Variants in TTLL5 observed in about 807,000 individuals in gnomAD.
TTLL5 encodes tubulin tyrosine ligase like 5.
TTLL5 carries 132 observed loss-of-function variants against 168.4 expected under a neutral mutation model. The observed-to-expected ratio is 0.78, with a 90% CI of 0.68 to 0.91. TTLL5 has a LOEUF of 0.91. Among genes scored for constraint, TTLL5 ranks in the 40% least tolerant of loss-of-function variants. The probability of loss-of-function intolerance (pLI) is 0.00; values close to 1 mark genes in which losing one functional copy is unlikely to be tolerated. For synonymous variants in TTLL5, 546 were observed against 558.6 expected (o/e 0.98, Z 0.32); for missense variants, 1,545 against 1,581.5 (o/e 0.98, Z 0.39).
intron 29 of TTLL5, among the ~76,000 whole-genome samples, chr14:75,874,823 CGT>C (rs141459797): frequency 1.6e-3 from 244 of 148,346 alleles, no homozygotes; most frequent in Middle Eastern, 6.9e-3. Flanking sequence ...TGTATATATG[CGT>C]GTGTGTGTGT....
chr14:75,724,242 A>G (rs930589184), intron 12 of TTLL5, among the ~76,000 whole-genome samples: 2 of 152,066 alleles, frequency 1.3e-5, no homozygotes, highest in Non-Finnish European at 2.9e-5. Flanking sequence ...TTCCCATCCT[A>G]CCACCTGTAA....
rs758833385 is a variant in TTLL5 at position 75,820,132 on chromosome 14, C to T, written c.3297C>T (p.Pro1099=). The part of the protein sequence containing the change: ...TWSTQSDPQA[P]ENHSSSPGSR... The stretch of plus-strand genomic sequence containing the variant: ...CTACACAGTCAGACCCCCAAGCTCC[C>T]GAGAATCACTCCAGCTCTCCTGGAA... The change falls in exon 28 of 32, where the codon CCC becomes CCT. Residue 1099 remains proline (P), a synonymous_variant. Transcript: ENST00000298832. 8.1e-6 allele frequency: 13 copies of T among 1,599,024 alleles called. No homozygotes were observed. Among genetic ancestry groups the T allele is most frequent in the East Asian group, 2.3e-5 (1 of 43,178 alleles).
intron 27 of TTLL5, among the ~76,000 whole-genome samples, chr14:75,809,247 T>C (rs1229995055): frequency 1.3e-5 from 2 of 152,212 alleles, no homozygotes; most frequent in Non-Finnish European, 2.9e-5. Flanking sequence ...AGGCTCTGTC[T>C]TGATGCTCCA....
At position 75,857,378 on chromosome 14, in the gene TTLL5, T is replaced by TA. The variant is rs1207778547; in HGVS notation, c.3327-6289_3327-6288insA. 2.3e-5 allele frequency among the ~76,000 whole-genome samples: 3 copies of TA among 130,416 alleles called. No individual in the cohort carries two copies. The East Asian group carries it at 6.6e-4, about 29-fold the overall frequency. The allele number at this position is 130,416 out of a possible 152,430, so 85.6% of individuals were successfully genotyped here. On this transcript the variant is annotated intron_variant, in intron 28 of 31. Coordinates refer to ENST00000298832, the MANE Select transcript of TTLL5 (RefSeq NM_015072.5). ...ATCCTAGTGTATTTGATTGGTTGGT[T>TA]GATTAGATAGATAGATAGATAGATA...
intron 27 of TTLL5, among the ~76,000 whole-genome samples, chr14:75,806,084 A>C (rs1893637185): frequency 6.7e-6 from 1 of 148,208 alleles, no homozygotes; most frequent in Non-Finnish European, 1.5e-5. Context: ...ACTGGAGTGC[A>C]GTGGTGCGCG....
chr14:75,828,710 A>G (rs1234480511), intron 28 of TTLL5, among the ~76,000 whole-genome samples: 2 of 152,228 alleles, frequency 1.3e-5, no homozygotes, highest in African/African-American at 2.4e-5. Flanking sequence ...GACCCTGCCT[A>G]TACTGTTGAA....
chr14:75,944,445 A>G (rs1595312755), intron 31 of TTLL5, among the ~76,000 whole-genome samples: 1 of 152,096 alleles, frequency 6.6e-6, no homozygotes, highest in Admixed American at 6.6e-5. Flanking sequence ...TCCCACTTTC[A>G]CCAACCCACG....
intron 27 of TTLL5, among the ~76,000 whole-genome samples, chr14:75,800,696 A>G (rs1893249609): frequency 6.6e-6 from 1 of 152,062 alleles, no homozygotes. Context: ...CCTAGTAGGG[A>G]TGGGGCTTCC....
chr14:75,770,366 C>G (rs550841200), intron 20 of TTLL5, among the ~76,000 whole-genome samples: 104 of 152,196 alleles, frequency 6.8e-4, no homozygotes, highest in African/African-American at 2.4e-3. Context: ...CTCCAATTCT[C>G]CAACATACAC....
intron 27 of TTLL5, among the ~76,000 whole-genome samples, chr14:75,806,394 G>T (rs1893656637): frequency 6.6e-6 from 1 of 152,016 alleles, no homozygotes; most frequent in African/African-American, 2.4e-5. Flanking sequence ...GAATCTCGAG[G>T]GCCTTCTGTT....
chr14:75,726,252 T>G lies in TTLL5; in HGVS notation c.1042+5549T>G, dbSNP rs190602196. Reference sequence around the variant, plus strand: ...ATCAGGTTTTTTCTTAATACAGCTTTAATATGTAAAGTTTCCTAAGAATCT... The same window carrying G: ...ATCAGGTTTTTTCTTAATACAGCTTGAATATGTAAAGTTTCCTAAGAATCT... On this transcript the variant is annotated intron_variant, in intron 12 of 31. Transcript: ENST00000298832. 3.5e-3 allele frequency among the ~76,000 whole-genome samples: 531 copies of G among 152,326 alleles called. 2 individuals are homozygous for G. Among genetic ancestry groups the G allele is most frequent in the African/African-American group, 0.012 (507 of 41,572 alleles).
rs2030263824 is a variant in TTLL5, at chr14:75,863,925, A to AG, written c.3522+63_3522+64insG. On this transcript the variant is annotated intron_variant, in intron 29 of 31. Coordinates refer to ENST00000298832, the MANE Select transcript of TTLL5 (RefSeq NM_015072.5). ...CCTGCTGTTGGTAAAAAAAAAAAAA[A>AG]AAAAAAAAAGGTCAGTGAATGAGAA... The AG allele has an allele frequency of 2.1e-5, 28 of 1,332,488 alleles. No individual in the cohort carries two copies. The East Asian group carries it at 4.5e-4, about 21-fold the overall frequency. 82.5% of individuals were successfully genotyped at this position (1,332,488 alleles called of 1,614,324 possible).
chr14:75,886,225 C>T (rs1254499224), intron 30 of TTLL5, among the ~76,000 whole-genome samples: 1 of 152,142 alleles, frequency 6.6e-6, no homozygotes, highest in Non-Finnish European at 1.5e-5. Flanking sequence ...TTTCCACATC[C>T]TAGAGGGTTG....
rs529862541 is a variant in TTLL5, at chr14:75,725,956, C to G, written c.1042+5253C>G. On this transcript the variant is annotated intron_variant, in intron 12 of 31. Coordinates refer to ENST00000298832, the MANE Select transcript of TTLL5 (RefSeq NM_015072.5). ...CTTCTGGACCCCATATAAAGACTTC[C>G]TCTTTAGCTTTTTCAATTTGAATCC... Among the ~76,000 whole-genome samples the G allele has an allele frequency of 5.3e-5, 8 of 152,168 alleles. No individual in the cohort carries two copies. In the South Asian group the frequency reaches 1.5e-3, roughly 28 times the overall value.
At chr14:75,816,974 ATTTTTTTTT>A (rs35736530) in intron 27 of TTLL5, among the ~76,000 whole-genome samples, 12 of 96,096 alleles carry the variant, frequency 1.2e-4, no homozygotes, top group African/African-American at 4.6e-4. Context: ...TCCCTGTCTT[ATTTTTTTTT>A]TTTTTTTTTT....
chr14:75,699,413 G>C, intron 7 of TTLL5, 143 bp downstream of exon 7: 1 of 753,078 alleles, frequency 1.3e-6, no homozygotes, highest in Non-Finnish European at 2.2e-6. Flanking sequence ...GTTAAGCGTA[G>C]GTATAACTTG....
chr14:75,906,121 A>G (rs1566654676), intron 31 of TTLL5, among the ~76,000 whole-genome samples: 1 of 152,210 alleles, frequency 6.6e-6, no homozygotes, highest in African/African-American at 2.4e-5. Context: ...AGAGAAAGGA[A>G]CATTACTATA....
At chr14:75,734,169 T>TA in intron 14 of TTLL5, 119 bp downstream of exon 14, 2 of 881,800 alleles carry the variant, frequency 2.3e-6, no homozygotes, top group South Asian at 3.1e-5. Context: ...TGGTTTGTAC[T>TA]AAAAAATTAT....
At chr14:75,735,059 A>G (rs1888796312) in intron 14 of TTLL5, 136 bp from the exon 15 acceptor site, 1 of 741,126 alleles carries the variant, frequency 1.3e-6, no homozygotes, top group East Asian at 2.6e-5. Flanking sequence ...AGAGTTGTGC[A>G]TTATGCTCCT....
Sources: gnomAD v4.1 joint callset for allele counts (sites outside exome capture counted in the v4.1 genomes callset) on GRCh38, gnomAD v4.1.1 for gene constraint, MANE v1.5 for transcripts, NCBI Gene and HGNC (gene_info 2026-07-23, HGNC 2026-07-21) for gene names.